Variants in CDK6 observed in about 807,000 individuals in gnomAD.
CDK6 encodes cyclin-dependent kinase 6.
CDK6 carries 6 observed loss-of-function variants against 37.1 expected under a neutral mutation model. That is an observed-to-expected ratio of 0.16 (90% CI 0.09 to 0.32). The LOEUF is 0.32. CDK6 is among the 10% of genes least tolerant of loss of function. The pLI is 1.00. For synonymous variants in CDK6, 160 were observed against 161.3 expected, an observed-to-expected ratio of 0.99 and a Z score of 0.06; for missense variants, 224 against 418.9, an observed-to-expected ratio of 0.53 and a Z score of 4.06.
At chr7:92,757,558 T>C (rs1799345816) in intron 3 of CDK6, among the ~76,000 whole-genome samples, 11 of 152,244 alleles carry the variant, frequency 7.2e-5, no homozygotes, top group Admixed American at 7.2e-4. Flanking sequence ...CTGTCACTGA[T>C]GGGCATTTAC....
At chr7:92,716,907 T>A (rs571266711) in intron 4 of CDK6, among the ~76,000 whole-genome samples, 1 of 152,330 alleles carries the variant, frequency 6.6e-6, no homozygotes, top group Non-Finnish European at 1.5e-5. Context: ...AAAATGTTTT[T>A]TCATCTTCTG....
At chr7:92,730,039 T>C (rs1191250062) in intron 3 of CDK6, among the ~76,000 whole-genome samples, 1 of 152,232 alleles carries the variant, frequency 6.6e-6, no homozygotes, top group Admixed American at 6.5e-5. Context: ...CCACTGCACC[T>C]GGCCTGGGCC....
At chr7:92,694,910 C>T (rs1220075047) in intron 4 of CDK6, among the ~76,000 whole-genome samples, 4 of 151,928 alleles carry the variant, frequency 2.6e-5, no homozygotes, top group African/African-American at 4.8e-5. Context: ...ATCTCTGGTT[C>T]GTGTCTTTAG....
At chr7:92,739,935 T>A (rs1798877884) in intron 3 of CDK6, among the ~76,000 whole-genome samples, 1 of 152,028 alleles carries the variant, frequency 6.6e-6, no homozygotes, top group Non-Finnish European at 1.5e-5. Context: ...TTTATTTTTA[T>A]TTTTGTAGAG....
chr7:92,817,859 G>GA (rs1302195731), intron 2 of CDK6, among the ~76,000 whole-genome samples: 6 of 151,540 alleles, frequency 4.0e-5, no homozygotes, highest in Non-Finnish European at 7.4e-5. Flanking sequence ...CACTTAAAAA[G>GA]AAAAAACAAT....
At chr7:92,775,961 T>C (rs1307295089) in intron 2 of CDK6, among the ~76,000 whole-genome samples, 1 of 152,170 alleles carries the variant, frequency 6.6e-6, no homozygotes, top group Non-Finnish European at 1.5e-5. Context: ...GTGCAGAATG[T>C]GCAGGTTTGT....
At chr7:92,786,080 T>C (rs1394251157) in intron 2 of CDK6, among the ~76,000 whole-genome samples, 1 of 152,244 alleles carries the variant, frequency 6.6e-6, no homozygotes. Context: ...TTAAGTCAGA[T>C]AGAGTGTGGA....
rs181787031 is a variant in CDK6, at chr7:92,634,838, T to G, written c.648-11752A>C. Among the ~76,000 whole-genome samples, 9 of 152,306 alleles carry G rather than the reference T, an allele frequency of 5.9e-5. No homozygotes were observed. The East Asian group carries it at 1.5e-3, about 26-fold the overall frequency. ...ACTCTGGAGAAACTTACTGCTGATC[T>G]TTTATCTTTGGACATGATCCTGACT... On this transcript the variant is annotated intron_variant, in intron 5 of 7. Coordinates refer to ENST00000424848, the MANE Select transcript of CDK6 (RefSeq NM_001145306.2).
chr7:92,787,995 A>C (rs1800188842), intron 2 of CDK6, among the ~76,000 whole-genome samples: 1 of 152,166 alleles, frequency 6.6e-6, no homozygotes, highest in South Asian at 2.1e-4. Flanking sequence ...ACTAAGAAAA[A>C]TGCTAGAAAT....
intron 5 of CDK6, among the ~76,000 whole-genome samples, chr7:92,645,393 G>A (rs776285542): frequency 1.2e-4 from 18 of 152,164 alleles, no homozygotes; most frequent in Non-Finnish European, 2.5e-4. Flanking sequence ...CATTTCCATC[G>A]TACAAGAAAG....
chr7:92,618,064 A>G lies in CDK6; in HGVS notation c.834+8T>C. ...AGTGCAGACGAGCTTGACATCAGAA[A>G]AACTTACCAGAAGTAGGTCTTTGCC... On this transcript the variant is annotated splice_region_variant and intron_variant, in intron 7 of 7. Coordinates refer to ENST00000424848, the MANE Select transcript of CDK6 (RefSeq NM_001145306.2). 6.2e-7 allele frequency: 1 copy of G among 1,613,854 alleles called. No homozygotes were observed. Among genetic ancestry groups the G allele is most frequent in the Non-Finnish European group, 8.5e-7 (1 of 1,179,850 alleles).
chr7:92,676,719 CAT>C (rs1474514946), intron 4 of CDK6, among the ~76,000 whole-genome samples: 3 of 152,108 alleles, frequency 2.0e-5, no homozygotes, highest in Non-Finnish European at 4.4e-5. Context: ...CTTTCTAATA[CAT>C]ATGTTTTTCT....
Position 92,607,435 on chromosome 7 carries a change from C to A in CDK6, c.*7705G>T, listed in dbSNP as rs1795453366. 4.3e-6 allele frequency: 1 copy of A among 232,834 alleles called. No individual in the cohort carries two copies. The highest frequency in any genetic ancestry group is 5.6e-5 in the Admixed American group (1 of 17,786). The allele number at this position is 232,834 out of a possible 1,614,324, so 14.4% of individuals were successfully genotyped here. A position where few individuals can be genotyped will look rare whatever the true frequency, so the allele number is the denominator to read the frequency against. ...ATTTAATAAAAACAACTACAAAGTC[C>A]TTTACTTTAATTCCTTTACATAATG... On this transcript the variant is annotated 3_prime_UTR_variant, in exon 8 of 8. Coordinates refer to ENST00000424848, the MANE Select transcript of CDK6 (RefSeq NM_001145306.2).
chr7:92,618,371 C>T, intron 6 of CDK6, 164 bp from the exon 7 acceptor site: 1 of 618,954 alleles, frequency 1.6e-6, no homozygotes, highest in South Asian at 2.1e-5. Context: ...CTCTGTCCTA[C>T]TGCAATATGG....
intron 3 of CDK6, among the ~76,000 whole-genome samples, chr7:92,741,752 TA>T (rs922308359): frequency 2.0e-5 from 3 of 152,100 alleles, no homozygotes; most frequent in African/African-American, 7.2e-5. Context: ...TAAGGACCAT[TA>T]AAAAAATATT....
chr7:92,628,582 A>T (rs914754951), intron 5 of CDK6, among the ~76,000 whole-genome samples: 1 of 151,974 alleles, frequency 6.6e-6, no homozygotes, highest in African/African-American at 2.4e-5. Context: ...CTTTTCTTCA[A>T]CTTCAGCTCC....
intron 2 of CDK6, among the ~76,000 whole-genome samples, chr7:92,793,196 A>G (rs1296563800): frequency 6.6e-6 from 1 of 152,148 alleles, no homozygotes; most frequent in Non-Finnish European, 1.5e-5. Context: ...TAGAGCTTCA[A>G]TGCAATCCAC....
chr7:92,741,171 C>G (rs1386588671), intron 3 of CDK6, among the ~76,000 whole-genome samples: 2 of 152,102 alleles, frequency 1.3e-5, no homozygotes, highest in Non-Finnish European at 2.9e-5. Context: ...ATGGGTAATT[C>G]TGACATGTAA....
At chr7:92,646,252 A>T (rs940276112) in intron 5 of CDK6, among the ~76,000 whole-genome samples, 1 of 152,156 alleles carries the variant, frequency 6.6e-6, no homozygotes. Flanking sequence ...ACTGTTTGCT[A>T]ATTATTACAT....
Sources: allele counts gnomAD v4.1 joint callset (sites outside exome capture counted in the v4.1 genomes callset), GRCh38; gene constraint gnomAD v4.1.1; transcripts MANE v1.5; gene names NCBI Gene and HGNC (gene_info 2026-07-23, HGNC 2026-07-21).